The following COX7B2 variants were observed in gnomAD, a reference collection of about 807,000 sequenced individuals.
COX7B2 encodes cytochrome c oxidase subunit 7B2, also known as cytochrome c oxidase subunit 7B2, mitochondrial.
For missense variants in COX7B2, 109 were observed against 95.9 expected, an observed-to-expected ratio of 1.14 and a Z score of -0.57; for synonymous variants, 37 against 32.1, an observed-to-expected ratio of 1.15 and a Z score of -0.51.
chr4:46,853,869 T>G (rs536178781), intron 1 of COX7B2, among the ~76,000 whole-genome samples: 2 of 152,298 alleles, frequency 1.3e-5, no homozygotes, highest in Admixed American at 6.5e-5. Context: ...CCATTTCAAT[T>G]GTGGAACTTA....
chr4:46,797,859 A>G (rs1261782440), intron 2 of COX7B2, among the ~76,000 whole-genome samples: 2 of 152,290 alleles, frequency 1.3e-5, no homozygotes, highest in East Asian at 3.9e-4. Flanking sequence ...GAAGCCGTTG[A>G]TCTGATAAAT....
At chr4:46,744,535 C>T (rs1714904444) in intron 2 of COX7B2, among the ~76,000 whole-genome samples, 1 of 151,916 alleles carries the variant, frequency 6.6e-6, no homozygotes. Context: ...ATTATATAGA[C>T]TCTGAATAAA....
chr4:46,767,532 A>G (rs1192355195), intron 2 of COX7B2, among the ~76,000 whole-genome samples: 1 of 152,206 alleles, frequency 6.6e-6, no homozygotes, highest in East Asian at 1.9e-4. Context: ...AGAACATTCT[A>G]TCCAAGAGCA....
intron 2 of COX7B2, among the ~76,000 whole-genome samples, chr4:46,778,021 T>C (rs1005991504): frequency 1.3e-5 from 2 of 152,142 alleles, no homozygotes; most frequent in Non-Finnish European, 2.9e-5. Context: ...TTAATAAATG[T>C]GATCTATTAT....
chr4:46,877,757 G>T (rs1365494937), intron 1 of COX7B2, among the ~76,000 whole-genome samples: 3 of 147,460 alleles, frequency 2.0e-5, no homozygotes, highest in Admixed American at 6.7e-5. Context: ...ATGGAGAAAA[G>T]GGAGCCCTGG....
rs1233629581 is a variant in COX7B2, at chr4:46,860,135, TG to T, written c.-104-15122del. 9.9e-5 allele frequency among the ~76,000 whole-genome samples: 15 copies of T among 152,210 alleles called. No homozygotes were observed. The East Asian group carries it at 2.7e-3, about 28-fold the overall frequency. On this transcript the variant is annotated intron_variant, in intron 1 of 2. Coordinates refer to ENST00000355591, the MANE Select transcript of COX7B2 (RefSeq NM_130902.3). ...GGCAAGAGTTGGTAAGATGGTGAGA[TG>T]GCAAATAGAAGGTTAGAAGATGGTA...
At chr4:46,905,814 CTTTTTTTTT>C (rs761904309) in intron 1 of COX7B2, among the ~76,000 whole-genome samples, 1 of 71,686 alleles carries the variant, frequency 1.4e-5, no homozygotes, top group South Asian at 6.4e-4. Flanking sequence ...GCATATATTT[CTTTTTTTTT>C]TTTTTTTTTT....
intron 2 of COX7B2, among the ~76,000 whole-genome samples, chr4:46,782,285 A>G (rs1335303691): frequency 1.3e-5 from 2 of 151,908 alleles, no homozygotes; most frequent in Non-Finnish European, 2.9e-5. Context: ...TAGCCAGAGG[A>G]TTGTAAATGC....
In COX7B2 at chr4:46,740,370, C is replaced by A. The variant is rs112287658; in HGVS notation, c.-49-5129G>T. Reference sequence around the variant, plus strand: ...TCTTTATTTGTTGTATAGTTTGTTTCATTTTTTATTTGAAAACATGTTTTG... The same window carrying A: ...TCTTTATTTGTTGTATAGTTTGTTTAATTTTTTATTTGAAAACATGTTTTG... On this transcript the variant is annotated intron_variant, in intron 2 of 2. Coordinates refer to ENST00000355591, the MANE Select transcript of COX7B2 (RefSeq NM_130902.3). Among the ~76,000 whole-genome samples, 308 of 152,132 alleles carry A rather than the reference C, an allele frequency of 2.0e-3. 2 individuals are homozygous for A. Among genetic ancestry groups the A allele is most frequent in the African/African-American group, 6.9e-3 (286 of 41,534 alleles).
chr4:46,879,926 G>C (rs1339719196), intron 1 of COX7B2, among the ~76,000 whole-genome samples: 2 of 152,122 alleles, frequency 1.3e-5, no homozygotes, highest in African/African-American at 2.4e-5. Flanking sequence ...TCTGTAGAGA[G>C]ATACAATTAC....
At chr4:46,814,188 G>T (rs552642558) in intron 2 of COX7B2, among the ~76,000 whole-genome samples, 8 of 152,290 alleles carry the variant, frequency 5.3e-5, no homozygotes, top group Admixed American at 1.3e-4. Flanking sequence ...AAGGAAATCG[G>T]TATATTAAAG....
rs538217276 is a variant in COX7B2, at chr4:46,880,491, G to A, written c.-105+28669C>T. ...CAGAGCTCATTATTGGCCTATGCAG[G>A]AAGACAATTTATTCATGGCTCAGTC... On this transcript the variant is annotated intron_variant, in intron 1 of 2. Transcript: ENST00000355591. Among the ~76,000 whole-genome samples the A allele has an allele frequency of 1.3e-3, 190 of 145,380 alleles. 2 individuals are homozygous for A. The highest frequency in any genetic ancestry group is 4.6e-3 in the African/African-American group (180 of 39,456).
intron 1 of COX7B2, among the ~76,000 whole-genome samples, chr4:46,882,214 T>G (rs985992910): frequency 5.9e-5 from 9 of 152,300 alleles, no homozygotes; most frequent in African/African-American, 2.2e-4. Flanking sequence ...TAGGTCCAAT[T>G]ATGTGGTCAA....
intron 2 of COX7B2, among the ~76,000 whole-genome samples, chr4:46,782,996 G>C (rs1182745869): frequency 2.0e-5 from 3 of 152,164 alleles, no homozygotes; most frequent in African/African-American, 7.2e-5. Context: ...ACTATATTTG[G>C]CTTAATTCTT....
intron 2 of COX7B2, among the ~76,000 whole-genome samples, chr4:46,844,271 T>C (rs1716123866): frequency 6.6e-6 from 1 of 151,990 alleles, no homozygotes; most frequent in African/African-American, 2.4e-5. Flanking sequence ...TTATTGGCCA[T>C]TAGCTTGACT....
At chr4:46,853,682 T>C (rs1447817937) in intron 1 of COX7B2, among the ~76,000 whole-genome samples, 1 of 152,146 alleles carries the variant, frequency 6.6e-6, no homozygotes, top group East Asian at 1.9e-4. Context: ...TATTTTATTT[T>C]AGCTTCCCTA....
intron 2 of COX7B2, among the ~76,000 whole-genome samples, chr4:46,764,623 G>T (rs1370335505): frequency 1.3e-5 from 2 of 151,344 alleles, no homozygotes; most frequent in Admixed American, 1.3e-4. Context: ...TAAATCATTG[G>T]CCAGGCACAG....
chr4:46,749,183 T>C (rs995249936), intron 2 of COX7B2, among the ~76,000 whole-genome samples: 1 of 152,168 alleles, frequency 6.6e-6, no homozygotes, highest in Non-Finnish European at 1.5e-5. Context: ...CTCCATCATT[T>C]AGCTGAGCAA....
In COX7B2 at chr4:46,876,394, G is replaced by A. The variant is rs952344159; in HGVS notation, c.-104-31380C>T. On this transcript the variant is annotated intron_variant, in intron 1 of 2. Coordinates refer to ENST00000355591, the MANE Select transcript of COX7B2 (RefSeq NM_130902.3). ...ATTTTCAGTTTCAAACACAGAGTCC[G>A]TCCTATTGTCTTTTTTTTTTTTTTT... Among the ~76,000 whole-genome samples, 21 of 149,342 alleles carry A rather than the reference G, an allele frequency of 1.4e-4. 1 individual carries two copies. The highest frequency in any genetic ancestry group is 4.9e-4 in the African/African-American group (20 of 40,610).
Sources: gnomAD v4.1 joint callset for allele counts (sites outside exome capture counted in the v4.1 genomes callset) on GRCh38, gnomAD v4.1.1 for gene constraint, MANE v1.5 for transcripts, NCBI Gene and HGNC (gene_info 2026-07-23, HGNC 2026-07-21) for gene names.